Variants in EPC2 observed in about 807,000 individuals in gnomAD.
EPC2 encodes the protein enhancer of polycomb 2, also known as enhancer of polycomb homolog 2.
EPC2 carries 14 observed loss-of-function variants against 92.1 expected under a neutral mutation model. That is an observed-to-expected ratio of 0.15 (90% CI 0.10 to 0.24). The LOEUF (loss-of-function observed/expected upper bound fraction) is 0.24. Among genes scored for constraint, EPC2 ranks in the 10% least tolerant of loss-of-function variants. The pLI is 1.00. For missense variants in EPC2, 755 were observed against 971.5 expected (o/e 0.78, Z 2.96); for synonymous variants, 340 against 334.7 (o/e 1.02, Z -0.17).
chr2:148,732,466 C>A (rs919611603), intron 2 of EPC2, among the ~76,000 whole-genome samples: 1 of 151,086 alleles, frequency 6.6e-6, no homozygotes, highest in Non-Finnish European at 1.5e-5. Context: ...CTGCAGCCTC[C>A]GCCTCACAGG....
At chr2:148,691,463 A>G in intron 2 of EPC2, 1 of 1,502,472 alleles carries the variant, frequency 6.7e-7, no homozygotes, top group South Asian at 1.2e-5. Context: ...GTGATTCTGA[A>G]ACATCACCAG....
intron 3 of EPC2, among the ~76,000 whole-genome samples, chr2:148,750,287 C>T (rs1683062049): frequency 6.6e-6 from 1 of 152,012 alleles, no homozygotes; most frequent in Non-Finnish European, 1.5e-5. Flanking sequence ...ATTAGTATCA[C>T]CTTTCTATGG....
At chr2:148,731,698 G>A (rs971401900) in intron 2 of EPC2, among the ~76,000 whole-genome samples, 4 of 152,072 alleles carry the variant, frequency 2.6e-5, no homozygotes, top group African/African-American at 9.7e-5. Flanking sequence ...CACTGCCCCC[G>A]GCCAGAAATT....
intron 1 of EPC2, among the ~76,000 whole-genome samples, chr2:148,655,543 G>A (rs1680774516): frequency 6.6e-6 from 1 of 152,188 alleles, no homozygotes; most frequent in Non-Finnish European, 1.5e-5. Flanking sequence ...GACGTGAAAA[G>A]ATCTAGGATT....
At chr2:148,759,702 T>A (rs756316945) in intron 4 of EPC2, among the ~76,000 whole-genome samples, 4 of 152,134 alleles carry the variant, frequency 2.6e-5, no homozygotes, top group Non-Finnish European at 4.4e-5. Context: ...AATTTATAGA[T>A]GTGTGTGTTT....
chr2:148,656,576 G>A (rs1418113261), intron 1 of EPC2, among the ~76,000 whole-genome samples: 1 of 152,174 alleles, frequency 6.6e-6, no homozygotes, highest in African/African-American at 2.4e-5. Context: ...TGTCACTGTA[G>A]TTGTTTGTGA....
chr2:148,772,233 G>A lies in EPC2; in HGVS notation c.1720+846G>A, dbSNP rs1411665762. Among the ~76,000 whole-genome samples, 3 of 152,134 alleles carry A rather than the reference G, an allele frequency of 2.0e-5. No homozygotes were observed. The East Asian group carries it at 5.8e-4, about 29-fold the overall frequency. ...TTGTAAATAATGTATAATATCTAGA[G>A]AATCTAGGGTACACTTTTGATTTGT... is the stretch of plus-strand genomic sequence containing the variant. On this transcript the variant is annotated intron_variant, in intron 10 of 13. Transcript: ENST00000258484.
At chr2:148,658,903 G>C (rs1373772179) in intron 1 of EPC2, among the ~76,000 whole-genome samples, 1 of 151,740 alleles carries the variant, frequency 6.6e-6, no homozygotes, top group Non-Finnish European at 1.5e-5. Flanking sequence ...CCCCCTTTGT[G>C]TAGTAAATAT....
rs1254004817 is a variant in EPC2, at chr2:148,740,014, G to C, written c.314-3608G>C. 2.0e-5 allele frequency among the ~76,000 whole-genome samples: 3 copies of C among 150,872 alleles called. No individual in the cohort carries two copies. In the East Asian group the frequency reaches 5.8e-4, roughly 29 times the overall value. On this transcript the variant is annotated intron_variant, in intron 2 of 13. Coordinates refer to ENST00000258484, the MANE Select transcript of EPC2 (RefSeq NM_015630.4). ...CCCCCTTCTTTATGTTGAGGTGGGA[G>C]GTATTGTTTTATCTGTTTTGTTTGG...
chr2:148,680,267 G>A (rs1236209908), intron 1 of EPC2, among the ~76,000 whole-genome samples: 3 of 152,096 alleles, frequency 2.0e-5, no homozygotes, highest in Admixed American at 2.0e-4. Flanking sequence ...TGAGTGGTTT[G>A]ACTAGTTGAG....
chr2:148,717,920 T>TG (rs1471457329), intron 2 of EPC2, among the ~76,000 whole-genome samples: 2 of 152,246 alleles, frequency 1.3e-5, no homozygotes, highest in Non-Finnish European at 2.9e-5. Flanking sequence ...TTTATGAATC[T>TG]GGGTGCTCCA....
At chr2:148,717,325 G>A (rs975604684) in intron 2 of EPC2, among the ~76,000 whole-genome samples, 1 of 150,890 alleles carries the variant, frequency 6.6e-6, no homozygotes, top group Non-Finnish European at 1.5e-5. Flanking sequence ...TCTTTTAGCT[G>A]TGTTGTTAGG....
chr2:148,719,587 T>A (rs1244535494), intron 2 of EPC2, among the ~76,000 whole-genome samples: 1 of 152,222 alleles, frequency 6.6e-6, no homozygotes, highest in Admixed American at 6.5e-5. Flanking sequence ...ACAGCAAAGA[T>A]GGCAGCCTGC....
intron 6 of EPC2, 77 bp downstream of exon 6, chr2:148,762,879 A>AAT (rs1683330129): frequency 6.8e-7 from 1 of 1,459,862 alleles, no homozygotes; most frequent in East Asian, 2.3e-5. Context: ...CAGTTGTCTT[A>AAT]ATATGGTTTG....
chr2:148,765,594 T>C (rs1469677716), intron 7 of EPC2, among the ~76,000 whole-genome samples: 1 of 152,226 alleles, frequency 6.6e-6, no homozygotes, highest in Non-Finnish European at 1.5e-5. Flanking sequence ...ATTTGTTAGG[T>C]AATGGCTATT....
intron 7 of EPC2, 49 bp downstream of exon 7, chr2:148,765,195 T>G: frequency 7.6e-7 from 1 of 1,307,664 alleles, no homozygotes; most frequent in Non-Finnish European, 1.0e-6. Context: ...GTATTTTATA[T>G]TGCTATATTT....
chr2:148,698,030 A>G (rs796587763), intron 2 of EPC2, among the ~76,000 whole-genome samples: 8 of 152,062 alleles, frequency 5.3e-5, no homozygotes, highest in East Asian at 1.9e-4. Context: ...TATTTTCTCT[A>G]TATGTTAACA....
intron 1 of EPC2, among the ~76,000 whole-genome samples, chr2:148,662,852 A>T (rs138384589): frequency 6.6e-6 from 1 of 152,050 alleles, no homozygotes; most frequent in Non-Finnish European, 1.5e-5. Flanking sequence ...CTTTAGTTTT[A>T]TTATTTGCTT....
At chr2:148,775,660 A>ATTAAATAAAATTAAATTTAAT (rs1683620525) in intron 10 of EPC2, among the ~76,000 whole-genome samples, 1 of 144,808 alleles carries the variant, frequency 6.9e-6, no homozygotes, top group Non-Finnish European at 1.5e-5. Flanking sequence ...TTTAAATAAA[A>ATTAAATAAAATTAAATTTAAT]TTAAATAAAA....
Sources: allele counts gnomAD v4.1 joint callset (sites outside exome capture counted in the v4.1 genomes callset), GRCh38; gene constraint gnomAD v4.1.1; transcripts MANE v1.5; gene names NCBI Gene and HGNC (gene_info 2026-07-23, HGNC 2026-07-21).